CR1: variants seen among roughly 807,000 people sequenced by gnomAD.
CR1 encodes complement receptor type 1.
CR1 carries 116 observed loss-of-function variants against 187.3 expected under a neutral mutation model. The ratio of observed to expected loss-of-function variants is 0.62; its 90% CI spans 0.53 to 0.72. The LOEUF is 0.72. Among genes scored for constraint, CR1 ranks in the 30% least tolerant of loss-of-function variants. The pLI is 0.00. For missense variants in CR1, 1,731 were observed against 2,110.7 expected, an observed-to-expected ratio of 0.82 and a Z score of 3.52; for synonymous variants, 576 against 747.1, an observed-to-expected ratio of 0.77 and a Z score of 3.73.
At chr1:207,600,325 G>T (rs1661569495) in intron 35 of CR1, among the ~76,000 whole-genome samples, 1 of 152,074 alleles carries the variant, frequency 6.6e-6, no homozygotes, top group Non-Finnish European at 1.5e-5. Flanking sequence ...TTCAGATTGG[G>T]CAAATAAGTG....
intron 32 of CR1, among the ~76,000 whole-genome samples, chr1:207,582,217 GTC>G (rs1660979628): frequency 6.6e-6 from 1 of 152,204 alleles, no homozygotes; most frequent in Admixed American, 6.5e-5. Flanking sequence ...TATGAGGAGA[GTC>G]TGTGCTATAA....
intron 24 of CR1, among the ~76,000 whole-genome samples, chr1:207,566,331 G>A (rs1054816593): frequency 7.5e-6 from 1 of 133,234 alleles, no homozygotes; most frequent in African/African-American, 2.9e-5. Flanking sequence ...TTTTCATTTT[G>A]TTCTCCCATC....
Position 207,523,897 on chromosome 1 carries a change from A to C in CR1, c.774A>C (p.Leu258Phe). Residue 258 changes from leucine to phenylalanine, a missense_variant, in exon 5 of 47, where the codon TTA becomes TTC. Physicochemically the swap from Leu to Phe is conservative, Grantham distance 22 (BLOSUM62 0). This residue lies in a region of CR1 where 131 missense variants were observed against 196.8 expected (regional missense o/e 0.67). Transcript: ENST00000367049. Reference protein sequence around the residue: ...LVSDNRSLFSLNEVVEFRCQP... With the variant: ...LVSDNRSLFSFNEVVEFRCQP... Reference sequence around the variant, plus strand: ...CTGACAACAGAAGCTTATTTTCCTTAAATGAAGTTGTGGAGTTTAGGTGTC... The same window carrying C: ...CTGACAACAGAAGCTTATTTTCCTTCAATGAAGTTGTGGAGTTTAGGTGTC... 6.2e-7 allele frequency: 1 copy of C among 1,610,238 alleles called. No homozygotes were observed. Among genetic ancestry groups the C allele is most frequent in the Non-Finnish European group, 8.5e-7 (1 of 1,178,536 alleles).
intron 35 of CR1, among the ~76,000 whole-genome samples, chr1:207,595,313 G>A (rs1415391851): frequency 6.6e-6 from 1 of 151,874 alleles, no homozygotes; most frequent in East Asian, 1.9e-4. Flanking sequence ...AGAATGAATA[G>A]AAGCATTAAT....
intron 46 of CR1, among the ~76,000 whole-genome samples, chr1:207,637,791 C>T (rs986874908): frequency 1.3e-5 from 2 of 152,140 alleles, no homozygotes; most frequent in South Asian, 2.1e-4. Flanking sequence ...TTTCCATCTC[C>T]GCGGTGGCGC....
chr1:207,598,336 A>C lies in CR1; in HGVS notation c.5811-8915A>C, dbSNP rs141509495. On this transcript the variant is annotated intron_variant, in intron 35 of 46. Coordinates refer to ENST00000367049, the MANE Select transcript of CR1 (RefSeq NM_000651.6). Reference sequence around the variant, plus strand: ...AAAAACAGATAACAGTATAAGAAAAATAAGAATTTAAAACATATCAAATAA... The same window carrying C: ...AAAAACAGATAACAGTATAAGAAAACTAAGAATTTAAAACATATCAAATAA... 8.1e-4 allele frequency among the ~76,000 whole-genome samples: 123 copies of C among 152,342 alleles called. 1 individual carries two copies. Among genetic ancestry groups the C allele is most frequent in the African/African-American group, 2.9e-3 (122 of 41,590 alleles).
At chr1:207,499,307 G>A (rs965469108) in intron 1 of CR1, among the ~76,000 whole-genome samples, 3 of 152,116 alleles carry the variant, frequency 2.0e-5, no homozygotes, top group African/African-American at 4.8e-5. Flanking sequence ...CCAAGAAGAC[G>A]TAACAATATC....
Position 207,506,035 on chromosome 1 carries a change from A to G in CR1, c.253A>G (p.Ile85Val), listed in dbSNP as rs1354038400. 4 of 1,613,932 alleles carry G rather than the reference A, an allele frequency of 2.5e-6. No homozygotes were observed. Among genetic ancestry groups the G allele is most frequent in the Non-Finnish European group, 1.7e-6 (2 of 1,179,844 alleles). ...TTATTCCGGAAGACCGTTTTCTATCATCTGCCTAAAAAACTCAGTCTGGAC... is the reference window on the plus strand; with the variant it reads ...TTATTCCGGAAGACCGTTTTCTATCGTCTGCCTAAAAAACTCAGTCTGGAC... ...PGYSGRPFSIICLKNSVWTGA... is the reference protein window; with the variant it reads ...PGYSGRPFSIVCLKNSVWTGA... The change falls in exon 2 of 47, where the codon ATC (isoleucine) becomes GTC (valine). Residue 85 changes from isoleucine (I) to valine (V), a missense_variant. Ile to Val is a conservative substitution (Grantham distance 29, BLOSUM62 3). Around this residue, in one of 5 missense-constraint regions of CR1, gnomAD observed 237 missense variants for 240.4 expected, o/e 0.99. Transcript: ENST00000367049.
intron 4 of CR1, 49 bp from the exon 5 acceptor site, chr1:207,523,562 A>G: frequency 1.2e-6 from 2 of 1,609,780 alleles, no homozygotes; most frequent in Non-Finnish European, 1.7e-6. Context: ...GATTTCTGTC[A>G]TTCATTATTT....
chr1:207,565,163 C>G (rs1447216625), intron 23 of CR1, among the ~76,000 whole-genome samples: 1 of 150,006 alleles, frequency 6.7e-6, no homozygotes, highest in Non-Finnish European at 1.5e-5. Flanking sequence ...AACAAAGCAC[C>G]TGATCCCATA....
In CR1 at chr1:207,524,062, G is replaced by A; in HGVS notation, c.886+53G>A. 5 of 1,611,670 alleles carry A rather than the reference G, an allele frequency of 3.1e-6. No individual in the cohort carries two copies. In the South Asian group the frequency reaches 5.5e-5, roughly 18 times the overall value. ...CCTGCCAGTGACATGCGTTGCTGTT[G>A]GATCAGGAGATTAGTATTTGTTCAG... On this transcript the variant is annotated intron_variant, in intron 5 of 46. Coordinates refer to ENST00000367049, the MANE Select transcript of CR1 (RefSeq NM_000651.6).
At chr1:207,577,775 GT>G in intron 28 of CR1, 29 bp from the exon 29 acceptor site, 4 of 1,612,614 alleles carry the variant, frequency 2.5e-6, no homozygotes, top group Non-Finnish European at 3.4e-6. Flanking sequence ...CCAAGGTTTT[GT>G]TTTGGTTAAC....
chr1:207,583,352 A>G (rs972176375), intron 32 of CR1, among the ~76,000 whole-genome samples: 2 of 152,210 alleles, frequency 1.3e-5, no homozygotes, highest in African/African-American at 4.8e-5. Flanking sequence ...AGTGCTGGCA[A>G]ACACTGATTG....
chr1:207,616,445 A>G, intron 40 of CR1, 130 bp from the exon 41 acceptor site: 2 of 1,164,558 alleles, frequency 1.7e-6, no homozygotes, highest in Non-Finnish European at 2.4e-6. Context: ...ACAGATTTAA[A>G]TTCCGTCTAC....
At chr1:207,497,301 A>G (rs2102326973) in intron 1 of CR1, among the ~76,000 whole-genome samples, 1 of 152,332 alleles carries the variant, frequency 6.6e-6, no homozygotes, top group African/African-American at 2.4e-5. Context: ...AACTTCAAAT[A>G]GGTAAACATC....
chr1:207,518,337 A>G (rs1466332903), intron 4 of CR1, among the ~76,000 whole-genome samples: 1 of 152,216 alleles, frequency 6.6e-6, no homozygotes, highest in Non-Finnish European at 1.5e-5. Flanking sequence ...AATGTTACAT[A>G]TGCACTTGAA....
chr1:207,597,357 T>G (rs1328926487), intron 35 of CR1, among the ~76,000 whole-genome samples: 1 of 152,110 alleles, frequency 6.6e-6, no homozygotes. Flanking sequence ...CCAAAAAGAA[T>G]AAAATACTTA....
chr1:207,621,446 T>C (rs1662312049), intron 43 of CR1, among the ~76,000 whole-genome samples: 1 of 152,154 alleles, frequency 6.6e-6, no homozygotes, highest in Admixed American at 6.6e-5. Context: ...CAACTATTCC[T>C]GCCAGTTAGC....
intron 28 of CR1, among the ~76,000 whole-genome samples, chr1:207,576,711 G>A (rs560701198): frequency 5.0e-4 from 76 of 151,778 alleles, no homozygotes; most frequent in African/African-American, 5.6e-4. Flanking sequence ...CCAACTACTC[G>A]GGAGACTGAG....
Sources: allele counts gnomAD v4.1 joint callset (sites outside exome capture counted in the v4.1 genomes callset), GRCh38; gene constraint gnomAD v4.1.1; regional missense constraint gnomAD v4.1.1; transcripts MANE v1.5; gene names NCBI Gene and HGNC (gene_info 2026-07-23, HGNC 2026-07-21).